The following LRP1B variants were observed in gnomAD, a reference collection of about 807,000 sequenced individuals.
The protein encoded by LRP1B is low-density lipoprotein receptor-related protein 1B.
A neutral mutation model predicts 556.6 loss-of-function variants in LRP1B; 217 were observed. The ratio of observed to expected loss-of-function variants is 0.39; its 90% CI spans 0.35 to 0.44. The LOEUF is 0.44. Ranked by LOEUF, LRP1B falls within the 20% of genes least tolerant of loss-of-function variation. The pLI, the probability that LRP1B is intolerant of heterozygous loss-of-function variation, is 1.00. For missense variants in LRP1B, 5,053 were observed against 5,620.8 expected, an observed-to-expected ratio of 0.90 and a Z score of 3.23; for synonymous variants, 2,047 against 1,865.8, an observed-to-expected ratio of 1.10 and a Z score of -2.50.
chr2:140,455,671 G>C (rs1244127270), intron 62 of LRP1B, among the ~76,000 whole-genome samples: 1 of 152,100 alleles, frequency 6.6e-6, no homozygotes, highest in Non-Finnish European at 1.5e-5. Context: ...GCTAAATTTA[G>C]CTTCTCCATT....
At chr2:140,836,005 CGTAT>C (rs750665070) in intron 31 of LRP1B, among the ~76,000 whole-genome samples, 3 of 152,134 alleles carry the variant, frequency 2.0e-5, no homozygotes, top group African/African-American at 7.2e-5. Context: ...TACATATATA[CGTAT>C]GTAAGTAGAC....
intron 2 of LRP1B, among the ~76,000 whole-genome samples, chr2:141,660,974 A>G (rs918237600): frequency 3.3e-5 from 5 of 152,248 alleles, no homozygotes; most frequent in Admixed American, 2.0e-4. Flanking sequence ...TCAGGCAGCC[A>G]TCTTTGCTGT....
chr2:140,445,818 A>G (rs1298061460), intron 63 of LRP1B, among the ~76,000 whole-genome samples: 1 of 152,150 alleles, frequency 6.6e-6, no homozygotes, highest in Non-Finnish European at 1.5e-5. Context: ...ACTCTGAATT[A>G]AATCTACTAT....
chr2:140,400,548 C>T (rs1684447321), intron 66 of LRP1B, among the ~76,000 whole-genome samples: 1 of 152,150 alleles, frequency 6.6e-6, no homozygotes, highest in Non-Finnish European at 1.5e-5. Context: ...ATTTTGGAAA[C>T]TCCCAATTTG....
intron 2 of LRP1B, among the ~76,000 whole-genome samples, chr2:141,533,361 C>T (rs936690122): frequency 2.0e-5 from 3 of 151,942 alleles, no homozygotes; most frequent in Admixed American, 6.6e-5. Context: ...CAGCCTTCTC[C>T]GTGTTCTTTT....
chr2:140,790,102 G>A (rs557141659), intron 32 of LRP1B, among the ~76,000 whole-genome samples: 11 of 152,080 alleles, frequency 7.2e-5, no homozygotes, highest in Non-Finnish European at 1.0e-4. Flanking sequence ...TGACATTTTT[G>A]TATATATTTA....
chr2:141,644,428 G>A lies in LRP1B; in HGVS notation c.206-163895C>T, dbSNP rs117033239. Among the ~76,000 whole-genome samples, 639 of 152,208 alleles carry A rather than the reference G, an allele frequency of 4.2e-3. 16 individuals are homozygous for A. In the East Asian group the frequency reaches 0.076, roughly 18 times the overall value. ...TGAGGGCGCCCAGCCACGTGAAACTGTAAGTCCATCAAACCTCTTTCTTTT... is the reference window on the plus strand; with the variant it reads ...TGAGGGCGCCCAGCCACGTGAAACTATAAGTCCATCAAACCTCTTTCTTTT... On this transcript the variant is annotated intron_variant, in intron 2 of 90. Coordinates refer to ENST00000389484, the MANE Select transcript of LRP1B (RefSeq NM_018557.3).
chr2:141,755,787 A>G (rs1694297709), intron 2 of LRP1B, among the ~76,000 whole-genome samples: 1 of 151,970 alleles, frequency 6.6e-6, no homozygotes, highest in Non-Finnish European at 1.5e-5. Context: ...TGGCTGAATA[A>G]CCCCTACTCT....
At chr2:140,254,799 G>A (rs771156481) in intron 86 of LRP1B, among the ~76,000 whole-genome samples, 3 of 152,002 alleles carry the variant, frequency 2.0e-5, no homozygotes, top group Non-Finnish European at 4.4e-5. Flanking sequence ...TGATCCTCCC[G>A]CCTTGGCCTC....
chr2:141,164,557 T>C (rs1320555143), intron 7 of LRP1B, among the ~76,000 whole-genome samples: 3 of 152,122 alleles, frequency 2.0e-5, no homozygotes, highest in Admixed American at 2.0e-4. Context: ...TGATTTTTCT[T>C]ACAGTTTCAT....
intron 9 of LRP1B, among the ~76,000 whole-genome samples, chr2:141,057,928 C>G (rs1031666105): frequency 1.3e-5 from 2 of 151,826 alleles, no homozygotes; most frequent in African/African-American, 4.8e-5. Context: ...TCTTTATCCA[C>G]CTTACTTTCT....
rs542410405 is a variant in LRP1B at position 141,846,599 on chromosome 2, C to G, written c.83-36198G>C. On this transcript the variant is annotated intron_variant, in intron 1 of 90. Transcript: ENST00000389484. ...TAACTAACTATAAAACATATTTATA[C>G]AAATCCTTAGCATAATATTAAGTAA... is the stretch of plus-strand genomic sequence containing the variant. 2.0e-5 allele frequency among the ~76,000 whole-genome samples: 3 copies of G among 151,466 alleles called. No homozygotes were observed. The South Asian group carries it at 6.2e-4, about 31-fold the overall frequency.
At chr2:140,667,951 G>T (rs1232670686) in intron 41 of LRP1B, among the ~76,000 whole-genome samples, 1 of 152,082 alleles carries the variant, frequency 6.6e-6, no homozygotes, top group Non-Finnish European at 1.5e-5. Context: ...AAACTCAAAA[G>T]GTATTTAATG....
intron 43 of LRP1B, among the ~76,000 whole-genome samples, chr2:140,555,934 A>T (rs192241959): frequency 3.7e-4 from 57 of 152,198 alleles, no homozygotes; most frequent in South Asian, 3.5e-3. Flanking sequence ...TATCTAAGCA[A>T]GTCATACGAT....
intron 41 of LRP1B, among the ~76,000 whole-genome samples, chr2:140,654,025 C>CA (rs61199077): frequency 0.14 from 5,080 of 35,212 alleles, 834 homozygotes; most frequent in African/African-American, 0.16. Flanking sequence ...GACTCCATCT[C>CA]AAAAAAAAAA....
In LRP1B at chr2:140,684,749, C is replaced by A. The variant is rs114414545; in HGVS notation, c.6799+15501G>T. ...AATGCATACTTATTTACCAACATCC[C>A]TTTTTATATTTTTAGTTTTTAGGCT... On this transcript the variant is annotated intron_variant, in intron 41 of 90. Coordinates refer to ENST00000389484, the MANE Select transcript of LRP1B (RefSeq NM_018557.3). Among the ~76,000 whole-genome samples, 652 of 152,196 alleles carry A rather than the reference C, an allele frequency of 4.3e-3. 4 individuals carry two copies. The highest frequency in any genetic ancestry group is 0.015 in the African/African-American group (612 of 41,540).
chr2:142,060,187 G>A (rs967164287), intron 1 of LRP1B, among the ~76,000 whole-genome samples: 4 of 151,970 alleles, frequency 2.6e-5, no homozygotes, highest in Admixed American at 2.0e-4. Context: ...GATGGTTTTG[G>A]ATGCATATAT....
At chr2:141,225,134 T>C (rs911995648) in intron 6 of LRP1B, among the ~76,000 whole-genome samples, 7 of 152,166 alleles carry the variant, frequency 4.6e-5, no homozygotes, top group African/African-American at 1.7e-4. Context: ...ATGGGGTTAA[T>C]TCAGAAGCTA....
rs760239730 is a variant in LRP1B at position 140,534,112 on chromosome 2, C to T, written c.7671G>A (p.Lys2557=). The part of the protein sequence containing the change: ...CENRSCRRGF[K]PCYNRRCIPH... ...GAATGCAGCGGCGATTATAGCATGGCTTGAAGCCTCTTCGACAGCTTCTGT... is the reference window on the plus strand; with the variant it reads ...GAATGCAGCGGCGATTATAGCATGGTTTGAAGCCTCTTCGACAGCTTCTGT... Residue 2557 remains lysine, a synonymous_variant, in exon 47 of 91, where the codon AAG becomes AAA. Coordinates refer to ENST00000389484, the MANE Select transcript of LRP1B (RefSeq NM_018557.3). The T allele has an allele frequency of 1.1e-5, 18 of 1,613,078 alleles. No individual in the cohort carries two copies. The highest frequency in any genetic ancestry group is 8.9e-5 in the East Asian group (4 of 44,856).
Sources: gnomAD v4.1 joint callset for allele counts (sites outside exome capture counted in the v4.1 genomes callset) on GRCh38, gnomAD v4.1.1 for gene constraint, MANE v1.5 for transcripts, NCBI Gene and HGNC (gene_info 2026-07-23, HGNC 2026-07-21) for gene names.